Variants in MDGA2 observed in about 807,000 individuals in gnomAD.
MDGA2 encodes the protein MAM domain-containing glycosylphosphatidylinositol anchor protein 2.
Under a neutral mutation model 117.8 loss-of-function variants are expected in MDGA2, and 40 were observed. That is an observed-to-expected ratio of 0.34 (90% CI 0.26 to 0.44). The LOEUF (loss-of-function observed/expected upper bound fraction) is 0.44, where lower values mean the gene tolerates loss of function less well. Among genes scored for constraint, MDGA2 ranks in the 20% least tolerant of loss-of-function variants. The probability of loss-of-function intolerance (pLI) is 1.00; values close to 1 mark genes in which losing one functional copy is unlikely to be tolerated. For synonymous variants in MDGA2, 452 were observed against 439.0 expected, an observed-to-expected ratio of 1.03 and a Z score of -0.37; for missense variants, 1,123 against 1,250.6, an observed-to-expected ratio of 0.90 and a Z score of 1.54.
intron 9 of MDGA2, among the ~76,000 whole-genome samples, chr14:46,945,105 G>A (rs1885127042): frequency 6.6e-6 from 1 of 152,048 alleles, no homozygotes; most frequent in Non-Finnish European, 1.5e-5. Context: ...AGAGTGCCAA[G>A]TTTTAGTTTA....
rs191896986 is a variant in MDGA2 at position 47,284,875 on chromosome 14, C to T, written c.420+16536G>A. 1.1e-3 allele frequency among the ~76,000 whole-genome samples: 172 copies of T among 152,166 alleles called. 1 individual carries two copies. In the East Asian group the frequency reaches 0.016, roughly 14 times the overall value. On this transcript the variant is annotated intron_variant, in intron 2 of 16. Coordinates refer to ENST00000399232, the MANE Select transcript of MDGA2 (RefSeq NM_001113498.3). ...CTAGGCAGCTACTGACTTAGCTTATCGGTATGTCTAATAGTATATTAAATA... is the reference window on the plus strand; with the variant it reads ...CTAGGCAGCTACTGACTTAGCTTATTGGTATGTCTAATAGTATATTAAATA...
chr14:47,144,338 C>A, intron 3 of MDGA2, 64 bp from the exon 4 acceptor site: 1 of 1,255,842 alleles, frequency 8.0e-7, no homozygotes, highest in South Asian at 1.5e-5. Context: ...AAGTATTGTG[C>A]TTATATAACC....
At chr14:47,384,723 T>C (rs1891718543) in intron 1 of MDGA2, among the ~76,000 whole-genome samples, 1 of 152,154 alleles carries the variant, frequency 6.6e-6, no homozygotes, top group African/African-American at 2.4e-5. Context: ...CCATCCCACC[T>C]GATATACCCA....
In MDGA2 at chr14:46,957,354, G is replaced by C; in HGVS notation, c.2089+20C>G. ...TCTAATAAAACAAAATGTATAAAAA[G>C]AAAATATCTGGAATCCTACCTGTAA... On this transcript the variant is annotated intron_variant, in intron 9 of 16. Transcript: ENST00000399232. 3.1e-6 allele frequency: 5 copies of C among 1,603,094 alleles called. No homozygotes were observed. The highest frequency in any genetic ancestry group is 4.3e-6 in the Non-Finnish European group (5 of 1,175,390).
chr14:47,404,720 C>T (rs1270913615), intron 1 of MDGA2, among the ~76,000 whole-genome samples: 1 of 152,090 alleles, frequency 6.6e-6, no homozygotes, highest in African/African-American at 2.4e-5. Context: ...TCTCAAACTC[C>T]TGGGCTCAAG....
chr14:46,943,459 T>C (rs2138587283), intron 9 of MDGA2, among the ~76,000 whole-genome samples: 1 of 152,214 alleles, frequency 6.6e-6, no homozygotes, highest in African/African-American at 2.4e-5. Context: ...CTCTTCAATA[T>C]TTCCTTCATC....
intron 2 of MDGA2, among the ~76,000 whole-genome samples, chr14:47,224,575 C>A (rs932751123): frequency 1.3e-5 from 2 of 152,148 alleles, no homozygotes; most frequent in Non-Finnish European, 2.9e-5. Context: ...CCAAGGAGTT[C>A]AGCCAGATGT....
chr14:47,073,451 G>T (rs1338400639), intron 6 of MDGA2, among the ~76,000 whole-genome samples: 1 of 152,176 alleles, frequency 6.6e-6, no homozygotes, highest in Non-Finnish European at 1.5e-5. Flanking sequence ...ATGAAACTCT[G>T]AGTATGCTAG....
intron 1 of MDGA2, among the ~76,000 whole-genome samples, chr14:47,372,770 G>A (rs187959880): frequency 2.6e-5 from 4 of 151,936 alleles, no homozygotes; most frequent in African/African-American, 9.6e-5. Context: ...GATTATCGTA[G>A]CTTTGTAGCT....
chr14:47,485,173 T>C (rs113671601), intron 1 of MDGA2, among the ~76,000 whole-genome samples: 34,298 of 152,032 alleles, frequency 0.23, 4,883 homozygotes, highest in South Asian at 0.47. Context: ...AGAATAATGC[T>C]GATAGTGATA....
chr14:47,250,399 G>C (rs79162653), intron 2 of MDGA2, among the ~76,000 whole-genome samples: 145 of 152,258 alleles, frequency 9.5e-4, no homozygotes, highest in African/African-American at 3.4e-3. Flanking sequence ...AATTTAATGA[G>C]TTAATACACT....
chr14:47,024,686 G>A (rs982176684), intron 8 of MDGA2, among the ~76,000 whole-genome samples: 2 of 152,152 alleles, frequency 1.3e-5, no homozygotes, highest in Admixed American at 6.5e-5. Context: ...TTCAAGAAAA[G>A]TATTTGACTT....
intron 6 of MDGA2, among the ~76,000 whole-genome samples, chr14:47,090,096 T>C (rs538336588): frequency 6.6e-6 from 1 of 152,248 alleles, no homozygotes; most frequent in Admixed American, 6.5e-5. Flanking sequence ...GCAGTGCTAA[T>C]ATTTGGCATG....
intron 1 of MDGA2, among the ~76,000 whole-genome samples, chr14:47,343,586 C>G (rs1890696477): frequency 6.6e-6 from 1 of 151,942 alleles, no homozygotes; most frequent in African/African-American, 2.4e-5. Flanking sequence ...AATATTTTCT[C>G]TAACAAAAAG....
chr14:47,535,398 T>C (rs1020554127), intron 1 of MDGA2, among the ~76,000 whole-genome samples: 1 of 152,188 alleles, frequency 6.6e-6, no homozygotes, highest in African/African-American at 2.4e-5. Flanking sequence ...GCAAACAGTA[T>C]AAATGGAATG....
chr14:47,054,835 C>T (rs904938935), intron 7 of MDGA2, among the ~76,000 whole-genome samples: 7 of 151,714 alleles, frequency 4.6e-5, no homozygotes, highest in African/African-American at 9.7e-5. Context: ...TTCCTTACAC[C>T]TTATACAAAA....
chr14:47,069,569 C>T (rs1018028556), intron 6 of MDGA2, among the ~76,000 whole-genome samples: 2 of 152,198 alleles, frequency 1.3e-5, no homozygotes, highest in African/African-American at 4.8e-5. Context: ...CCAGTTCTAT[C>T]ATTCAAACAG....
intron 10 of MDGA2, among the ~76,000 whole-genome samples, chr14:46,895,650 C>T (rs1883045857): frequency 6.6e-6 from 1 of 151,794 alleles, no homozygotes; most frequent in Non-Finnish European, 1.5e-5. Context: ...TAGCTTGAAC[C>T]TGGGAGGTGG....
intron 1 of MDGA2, among the ~76,000 whole-genome samples, chr14:47,316,118 T>C (rs1045254746): frequency 6.6e-6 from 1 of 152,122 alleles, no homozygotes; most frequent in Non-Finnish European, 1.5e-5. Flanking sequence ...GGGGATGATA[T>C]GGCTTTCTAC....
Sources: allele counts gnomAD v4.1 joint callset (sites outside exome capture counted in the v4.1 genomes callset), GRCh38; gene constraint gnomAD v4.1.1; transcripts MANE v1.5; gene names NCBI Gene and HGNC (gene_info 2026-07-23, HGNC 2026-07-21).